The following ANKRD17 variants were observed in gnomAD, a reference collection of about 807,000 sequenced individuals.
ANKRD17 encodes ankyrin repeat domain-containing protein 17.
ANKRD17 carries 19 observed loss-of-function variants against 229.7 expected under a neutral mutation model. That is an observed-to-expected ratio of 0.08 (90% CI 0.06 to 0.12). ANKRD17 has a LOEUF of 0.12. Ranked by LOEUF, ANKRD17 falls within the 10% of genes least tolerant of loss-of-function variation. ANKRD17 has a pLI of 1.00. For synonymous variants in ANKRD17, 1,112 were observed against 1,146.1 expected, an observed-to-expected ratio of 0.97 and a Z score of 0.60; for missense variants, 2,176 against 3,176.8, an observed-to-expected ratio of 0.68 and a Z score of 7.57.
At chr4:73,125,525 G>A (rs1346348775) in intron 16 of ANKRD17, among the ~76,000 whole-genome samples, 1 of 152,108 alleles carries the variant, frequency 6.6e-6, no homozygotes, top group Non-Finnish European at 1.5e-5. Context: ...ACGAGGTCAA[G>A]AGATTGAGAC....
chr4:73,233,113 T>C (rs778640498), intron 1 of ANKRD17, among the ~76,000 whole-genome samples: 1 of 152,152 alleles, frequency 6.6e-6, no homozygotes, highest in Non-Finnish European at 1.5e-5. Context: ...GAACCATAAG[T>C]CTTGTTACCC....
intron 1 of ANKRD17, chr4:73,223,063 G>GATT: frequency 6.5e-7 from 1 of 1,535,186 alleles, no homozygotes; most frequent in Non-Finnish European, 8.7e-7. Context: ...ACTGCACTAT[G>GATT]ATTAGATCAT....
intron 15 of ANKRD17, among the ~76,000 whole-genome samples, chr4:73,138,119 A>T (rs375128284): frequency 1.3e-5 from 2 of 152,158 alleles, no homozygotes; most frequent in African/African-American, 4.8e-5. Flanking sequence ...CATAGTATCA[A>T]ATTTAGGGTT....
intron 1 of ANKRD17, among the ~76,000 whole-genome samples, chr4:73,179,119 G>C (rs1735107847): frequency 6.6e-6 from 1 of 151,840 alleles, no homozygotes; most frequent in Admixed American, 6.6e-5. Flanking sequence ...AAGTAACCAG[G>C]AATACTGCTA....
chr4:73,177,343 A>C (rs1006658506), intron 2 of ANKRD17, 37 bp downstream of exon 2: 4 of 1,435,062 alleles, frequency 2.8e-6, no homozygotes, highest in Non-Finnish European at 3.7e-6. Flanking sequence ...GCAACTTTAC[A>C]TAACAAGGTA....
intron 1 of ANKRD17, among the ~76,000 whole-genome samples, chr4:73,198,749 C>G (rs1046929950): frequency 6.6e-6 from 1 of 152,158 alleles, no homozygotes; most frequent in Non-Finnish European, 1.5e-5. Context: ...TTTCACTGGA[C>G]ATCTGGCCCC....
chr4:73,242,215 T>C (rs534154240), intron 1 of ANKRD17, among the ~76,000 whole-genome samples: 2 of 152,252 alleles, frequency 1.3e-5, no homozygotes, highest in Non-Finnish European at 2.9e-5. Context: ...GGAATCAATA[T>C]GACATTTGAG....
At chr4:73,188,480 G>C (rs1337372390) in intron 1 of ANKRD17, among the ~76,000 whole-genome samples, 3 of 152,080 alleles carry the variant, frequency 2.0e-5, no homozygotes, top group Non-Finnish European at 2.9e-5. Flanking sequence ...CGCTACTCAG[G>C]AGGCTGAGGC....
In ANKRD17 at chr4:73,253,264, T is replaced by C. The variant is rs189737264; in HGVS notation, c.393+5012A>G. The stretch of plus-strand genomic sequence containing the variant: ...AACCACTTAAGCTCACTCTCACACC[T>C]CCCCAAACTTATAATATTTATTCAT... On this transcript the variant is annotated intron_variant, in intron 1 of 33. Transcript: ENST00000358602. 9.8e-5 allele frequency among the ~76,000 whole-genome samples: 15 copies of C among 152,320 alleles called. 1 individual carries two copies. The highest frequency in any genetic ancestry group is 2.1e-4 in the Non-Finnish European group (14 of 68,028).
At chr4:73,137,184 G>A (rs1257418680) in intron 15 of ANKRD17, among the ~76,000 whole-genome samples, 1 of 151,776 alleles carries the variant, frequency 6.6e-6, no homozygotes, top group Non-Finnish European at 1.5e-5. Context: ...AAGGAACTCT[G>A]GTAAAAATCT....
At chr4:73,188,454 A>G (rs1170121030) in intron 1 of ANKRD17, among the ~76,000 whole-genome samples, 1 of 151,918 alleles carries the variant, frequency 6.6e-6, no homozygotes, top group Non-Finnish European at 1.5e-5. Flanking sequence ...GCATGGTGGT[A>G]TGCGCCTGTA....
chr4:73,151,023 T>C (rs1730937535), intron 7 of ANKRD17, among the ~76,000 whole-genome samples: 1 of 152,194 alleles, frequency 6.6e-6, no homozygotes, highest in Non-Finnish European at 1.5e-5. Flanking sequence ...CCTTTTTTCT[T>C]TTTTTAACAT....
chr4:73,232,541 G>C (rs1463524417), intron 1 of ANKRD17, among the ~76,000 whole-genome samples: 1 of 152,018 alleles, frequency 6.6e-6, no homozygotes, highest in Non-Finnish European at 1.5e-5. Context: ...AAAGAATTAG[G>C]CATCTTACAT....
At chr4:73,209,435 A>C (rs989590069) in intron 1 of ANKRD17, among the ~76,000 whole-genome samples, 12 of 152,220 alleles carry the variant, frequency 7.9e-5, no homozygotes, top group Admixed American at 5.2e-4. Flanking sequence ...TGCAAATCAC[A>C]ATTTATCAAA....
At chr4:73,210,776 C>T (rs1740146530) in intron 1 of ANKRD17, among the ~76,000 whole-genome samples, 1 of 151,548 alleles carries the variant, frequency 6.6e-6, no homozygotes, top group African/African-American at 2.4e-5. Flanking sequence ...AATTTTTTCT[C>T]AGATCTCAAT....
chr4:73,230,379 C>T (rs1170665111), intron 1 of ANKRD17, among the ~76,000 whole-genome samples: 1 of 151,946 alleles, frequency 6.6e-6, no homozygotes, highest in Non-Finnish European at 1.5e-5. Flanking sequence ...AGCCCCAGTA[C>T]AATTGTTTTG....
chr4:73,206,327 C>T (rs1241089679), intron 1 of ANKRD17, among the ~76,000 whole-genome samples: 2 of 151,024 alleles, frequency 1.3e-5, no homozygotes, highest in Non-Finnish European at 2.9e-5. Flanking sequence ...CACCAAGATA[C>T]GGAATAAACC....
chr4:73,200,340 C>T (rs550727804), intron 1 of ANKRD17, among the ~76,000 whole-genome samples: 1 of 152,098 alleles, frequency 6.6e-6, no homozygotes, highest in Admixed American at 6.6e-5. Flanking sequence ...TACATACTTA[C>T]AGTCCAAGGT....
intron 11 of ANKRD17, among the ~76,000 whole-genome samples, chr4:73,143,707 G>C (rs1443894340): frequency 6.6e-6 from 1 of 152,078 alleles, no homozygotes; most frequent in Non-Finnish European, 1.5e-5. Context: ...GAAGAAAATG[G>C]TATATTATTG....
Sources: gnomAD v4.1 joint callset for allele counts (sites outside exome capture counted in the v4.1 genomes callset) on GRCh38, gnomAD v4.1.1 for gene constraint, MANE v1.5 for transcripts, NCBI Gene and HGNC (gene_info 2026-07-23, HGNC 2026-07-21) for gene names.